The following ACTR3C variants were observed in gnomAD, a reference collection of about 807,000 sequenced individuals.
The protein encoded by ACTR3C is actin related protein 3C.
A neutral mutation model predicts 26.3 loss-of-function variants in ACTR3C; 18 were observed. The ratio of observed to expected loss-of-function variants is 0.68; its 90% CI spans 0.47 to 1.01. The LOEUF (loss-of-function observed/expected upper bound fraction) is 1.01, where lower values mean the gene tolerates loss of function less well. ACTR3C is among the 50% of genes least tolerant of loss of function. ACTR3C has a pLI of 0.00. For missense variants in ACTR3C, 184 were observed against 250.7 expected (o/e 0.73, Z 1.80); for synonymous variants, 55 against 94.5 (o/e 0.58, Z 2.42).
chr7:149,984,887 A>G, the ACTR3C span, among the ~76,000 whole-genome samples: 4 of 152,180 alleles, frequency 2.6e-5, no homozygotes, highest in Non-Finnish European at 5.9e-5. Flanking sequence ...GTCTCTGCCC[A>G]TTTTGGCCTT....
At chr7:150,181,496 G>A in the ACTR3C span, among the ~76,000 whole-genome samples, 11 of 150,834 alleles carry the variant, frequency 7.3e-5, no homozygotes, top group East Asian at 1.7e-3. Flanking sequence ...GGCTGAAGTG[G>A]AAGGATTACA....
chr7:150,130,863 GAGA>G, the ACTR3C span, among the ~76,000 whole-genome samples: 1 of 152,142 alleles, frequency 6.6e-6, no homozygotes, highest in Non-Finnish European at 1.5e-5. Flanking sequence ...GTACTATACT[GAGA>G]AGGAGGCCAG....
the ACTR3C span, among the ~76,000 whole-genome samples, chr7:150,199,043 C>T: frequency 9.0e-5 from 13 of 144,846 alleles, no homozygotes; most frequent in East Asian, 4.1e-4. Flanking sequence ...CGCCTCTGCC[C>T]GGCCGCCCCT....
chr7:150,014,437 C>T, the ACTR3C span, among the ~76,000 whole-genome samples: 4 of 128,562 alleles, frequency 3.1e-5, no homozygotes, highest in Non-Finnish European at 4.7e-5. Flanking sequence ...GCCTGGGTGA[C>T]AGAGTGAGAC....
At chr7:150,149,803 C>G in the ACTR3C span, among the ~76,000 whole-genome samples, 1 of 152,066 alleles carries the variant, frequency 6.6e-6, no homozygotes, top group Non-Finnish European at 1.5e-5. Context: ...TGAAATCCTT[C>G]CCTTCCCAAT....
At chr7:150,087,703 A>G in the ACTR3C span, among the ~76,000 whole-genome samples, 1 of 152,260 alleles carries the variant, frequency 6.6e-6, no homozygotes, top group South Asian at 2.1e-4. Context: ...ACAAAGCCAC[A>G]GCCTGTTGTG....
chr7:150,121,277 A>G, the ACTR3C span, among the ~76,000 whole-genome samples: 23 of 152,216 alleles, frequency 1.5e-4, no homozygotes, highest in African/African-American at 5.5e-4. Flanking sequence ...TTAGGAAGAG[A>G]GGAAGTCAAA....
chr7:150,227,688 G>GTTTTTTTTTTTT, the ACTR3C span, among the ~76,000 whole-genome samples: 17 of 111,374 alleles, frequency 1.5e-4, 2 homozygotes, highest in African/African-American at 5.7e-4. Context: ...TTGTGTCTGG[G>GTTTTTTTTTTTT]TTTTTTTTTT....
At chr7:150,263,633 C>T (rs1833817544) in intron 6 of ACTR3C, among the ~76,000 whole-genome samples, 1 of 151,916 alleles carries the variant, frequency 6.6e-6, no homozygotes, top group Non-Finnish European at 1.5e-5. Context: ...TTCAGAAATC[C>T]CAGTGAATCC....
At chr7:149,954,420 C>T in the ACTR3C span, among the ~76,000 whole-genome samples, 11,654 of 152,062 alleles carry the variant, frequency 0.077, 1,323 homozygotes, top group African/African-American at 0.25. Context: ...TTGTATATTG[C>T]CTTCACATTC....
chr7:150,302,989 C>T (rs1371351900), intron 1 of ACTR3C: 2 of 152,268 alleles, frequency 1.3e-5, no homozygotes, highest in Admixed American at 1.3e-4. Context: ...TCCCTTGCTA[C>T]TGTCTTCATG....
the ACTR3C span, among the ~76,000 whole-genome samples, chr7:150,144,878 T>C: frequency 6.6e-6 from 1 of 151,870 alleles, no homozygotes; most frequent in South Asian, 2.1e-4. The surrounding 1 kb of genome is among the most constrained non-coding windows in gnomAD (Gnocchi z 4.6). Flanking sequence ...TGAAACCCCG[T>C]CTCTACTAAA....
the ACTR3C span, among the ~76,000 whole-genome samples, chr7:150,042,507 C>G: frequency 7.1e-6 from 1 of 141,492 alleles, no homozygotes; most frequent in South Asian, 2.2e-4. Flanking sequence ...CGGGGATTGC[C>G]TCGCCCCCTG....
intron 1 of ACTR3C, among the ~76,000 whole-genome samples, chr7:150,303,974 C>T (rs1433536036): frequency 6.6e-6 from 1 of 152,174 alleles, no homozygotes; most frequent in Non-Finnish European, 1.5e-5. Context: ...AAAACCAACC[C>T]ATATTTCTGG....
chr7:150,121,752 C>T, the ACTR3C span, among the ~76,000 whole-genome samples: 6 of 151,090 alleles, frequency 4.0e-5, no homozygotes, highest in Admixed American at 6.6e-5. Context: ...CATATGGAAC[C>T]GAAAAAAGAG....
chr7:150,285,205 T>C (rs1835674720), intron 5 of ACTR3C, among the ~76,000 whole-genome samples: 1 of 152,238 alleles, frequency 6.6e-6, no homozygotes, highest in East Asian at 1.9e-4. Flanking sequence ...ACATATCATT[T>C]GACAATATTC....
the ACTR3C span, among the ~76,000 whole-genome samples, chr7:150,037,957 GC>G: frequency 2.9e-5 from 4 of 139,632 alleles, 1 homozygote; most frequent in South Asian, 8.9e-4. Context: ...GGTGCAAAGA[GC>G]CAGGGGAGGA....
chr7:149,987,472 C>T, the ACTR3C span, among the ~76,000 whole-genome samples: 1 of 147,700 alleles, frequency 6.8e-6, no homozygotes, highest in Non-Finnish European at 1.5e-5. Flanking sequence ...GAGGCTGAGA[C>T]AGGAAAATCA....
At chr7:150,136,614 G>A in the ACTR3C span, among the ~76,000 whole-genome samples, 1 of 152,102 alleles carries the variant, frequency 6.6e-6, no homozygotes, top group Non-Finnish European at 1.5e-5. Flanking sequence ...AGATTGTAGT[G>A]AGCTGAGATC....
Sources: allele counts gnomAD v4.1 joint callset (sites outside exome capture counted in the v4.1 genomes callset), GRCh38; gene constraint gnomAD v4.1.1; non-coding constraint Gnocchi (gnomAD v3.1); transcripts MANE v1.5; gene names NCBI Gene and HGNC (gene_info 2026-07-23, HGNC 2026-07-21).